HDAC8: variants seen among roughly 807,000 people sequenced by gnomAD.
The protein encoded by HDAC8 is histone deacetylase 8.
A neutral mutation model predicts 32.2 loss-of-function variants in HDAC8; 1 was observed. That is an observed-to-expected ratio of 0.03 (90% CI 0.01 to 0.15). HDAC8 has a LOEUF of 0.15. HDAC8 is among the 10% of genes least tolerant of loss of function. HDAC8 has a pLI of 1.00. For synonymous variants in HDAC8, 108 were observed against 113.9 expected (o/e 0.95, Z 0.33); for missense variants, 117 against 300.0 (o/e 0.39, Z 4.51).
At chrX:72,398,496 T>C (rs2045818922) in intron 9 of HDAC8, among the ~76,000 whole-genome samples, 1 of 109,550 alleles carries the variant, frequency 9.1e-6, no homozygotes, top group African/African-American at 3.3e-5. Context: ...CTGATAATTT[T>C]TTTTTTCTTT....
chrX:72,339,397 A>G (rs1476972184), intron 10 of HDAC8, among the ~76,000 whole-genome samples: 1 of 112,521 alleles, frequency 8.9e-6, no homozygotes, highest in East Asian at 2.8e-4. Flanking sequence ...AACACATTAT[A>G]GTCCACAGCA....
At chrX:72,472,168 C>T (rs1349348364) in intron 7 of HDAC8, among the ~76,000 whole-genome samples, 3 of 105,900 alleles carry the variant, frequency 2.8e-5, no homozygotes, top group Non-Finnish European at 3.9e-5. Context: ...CCCGGGTTCA[C>T]GCCATTCTCC....
intron 4 of HDAC8, among the ~76,000 whole-genome samples, chrX:72,495,854 T>A (rs2049005536): frequency 8.9e-6 from 1 of 112,238 alleles, no homozygotes; most frequent in Admixed American, 9.4e-5. Context: ...GTAAATGCAA[T>A]TATTACAACG....
At chrX:72,446,193 C>T (rs2047387882) in intron 9 of HDAC8, among the ~76,000 whole-genome samples, 2 of 111,962 alleles carry the variant, frequency 1.8e-5, no homozygotes, top group South Asian at 7.5e-4. Flanking sequence ...GGGTATATAC[C>T]CAAAGGACTA....
chrX:72,524,966 T>C (rs1556030986), intron 4 of HDAC8, among the ~76,000 whole-genome samples: 1 of 111,729 alleles, frequency 9.0e-6, no homozygotes, highest in Non-Finnish European at 1.9e-5. Context: ...AATTTTTCCA[T>C]GGGCATGGTT....
At chrX:72,401,733 G>A (rs782639973) in intron 9 of HDAC8, among the ~76,000 whole-genome samples, 120 of 112,158 alleles carry the variant, frequency 1.1e-3, no homozygotes, top group African/African-American at 3.6e-3. Context: ...TCTCTTTTGA[G>A]TTGTAACAGT....
intron 7 of HDAC8, among the ~76,000 whole-genome samples, chrX:72,470,342 G>A (rs886313618): frequency 9.0e-6 from 1 of 111,196 alleles, no homozygotes; most frequent in African/African-American, 3.3e-5. Flanking sequence ...CATACTGGAC[G>A]GAACTGGTTG....
chrX:72,423,939 C>G (rs1053377516), intron 9 of HDAC8, among the ~76,000 whole-genome samples: 1 of 111,948 alleles, frequency 8.9e-6, no homozygotes, highest in African/African-American at 3.2e-5. Flanking sequence ...ATTGGAGCAT[C>G]TGTTTCCTGT....
At chrX:72,548,515 C>T (rs782551343) in intron 4 of HDAC8, among the ~76,000 whole-genome samples, 2 of 111,418 alleles carry the variant, frequency 1.8e-5, no homozygotes, top group South Asian at 7.5e-4. Context: ...TTTTATATTG[C>T]CCTACTTTTA....
chrX:72,511,396 T>G (rs1165308977), intron 4 of HDAC8, among the ~76,000 whole-genome samples: 1 of 111,556 alleles, frequency 9.0e-6, no homozygotes, highest in Non-Finnish European at 1.9e-5. Context: ...TAGGTATAAT[T>G]GATGGAAATT....
chrX:72,560,554 T>A (rs2147551062), intron 4 of HDAC8, among the ~76,000 whole-genome samples: 1 of 43,182 alleles, frequency 2.3e-5, no homozygotes, highest in Non-Finnish European at 3.9e-5. Flanking sequence ...CAAAGAATGA[T>A]CAATAAATAC....
At chrX:72,359,240 G>C in intron 9 of HDAC8, among the ~76,000 whole-genome samples, 1 of 109,235 alleles carries the variant, frequency 9.2e-6, no homozygotes, top group Non-Finnish European at 1.9e-5. Context: ...TGGCCCATTA[G>C]ACAGAGATCC....
At chrX:72,424,986 T>G (rs1050339576) in intron 9 of HDAC8, among the ~76,000 whole-genome samples, 3 of 112,446 alleles carry the variant, frequency 2.7e-5, no homozygotes, top group Non-Finnish European at 5.6e-5. Flanking sequence ...TGTTTACACC[T>G]TTTGACTATT....
At position 72,568,942 on chromosome X, in the gene HDAC8, A is replaced by T. The variant is rs1452341101; in HGVS notation, c.165-58T>A. 4 of 1,128,254 alleles carry T rather than the reference A, an allele frequency of 3.5e-6. No individual in the cohort carries two copies. In the Admixed American group the frequency reaches 1.1e-4, roughly 30 times the overall value. 93.0% of individuals were successfully genotyped at this position (1,128,254 alleles called of 1,213,427 possible). A position where few individuals can be genotyped will look rare whatever the true frequency, so the allele number is the denominator to read the frequency against. On this transcript the variant is annotated intron_variant, in intron 2 of 10. Coordinates refer to ENST00000373573, the MANE Select transcript of HDAC8 (RefSeq NM_018486.3). ...GTGAGTCAGACCCAGCGTATGCCAG[A>T]AGCTAGAAACAGAAGCCAGCAGTCT...
intron 4 of HDAC8, among the ~76,000 whole-genome samples, chrX:72,545,080 G>A (rs1054332561): frequency 4.5e-5 from 5 of 111,519 alleles, no homozygotes; most frequent in African/African-American, 1.3e-4. Flanking sequence ...AGTGTGAGGG[G>A]TGGGTTGAAC....
intron 4 of HDAC8, among the ~76,000 whole-genome samples, chrX:72,498,166 CAAAAA>C (rs71982796): frequency 3.9e-5 from 2 of 50,835 alleles, no homozygotes; most frequent in Non-Finnish European, 4.8e-5. Flanking sequence ...GTTAAAATGG[CAAAAA>C]AAAAAAAAAA....
chrX:72,405,092 T>C (rs2046002330), intron 9 of HDAC8, among the ~76,000 whole-genome samples: 1 of 110,912 alleles, frequency 9.0e-6, no homozygotes, highest in East Asian at 2.8e-4. Flanking sequence ...TAGTACCCAT[T>C]AGTTATTTTT....
chrX:72,363,104 G>A (rs782590466), intron 9 of HDAC8, among the ~76,000 whole-genome samples: 1 of 103,639 alleles, frequency 9.6e-6, no homozygotes, highest in Non-Finnish European at 2.0e-5. Flanking sequence ...TTCCTTCAGG[G>A]TATGGTTTCA....
chrX:72,553,054 A>G (rs1381388568), intron 4 of HDAC8, among the ~76,000 whole-genome samples: 1 of 110,171 alleles, frequency 9.1e-6, no homozygotes, highest in Non-Finnish European at 1.9e-5. Context: ...TTATTTATTT[A>G]TTTATTTTGA....
Sources: gnomAD v4.1 joint callset for allele counts (sites outside exome capture counted in the v4.1 genomes callset) on GRCh38, gnomAD v4.1.1 for gene constraint, MANE v1.5 for transcripts, NCBI Gene and HGNC (gene_info 2026-07-23, HGNC 2026-07-21) for gene names.